HDAC10: variants seen among roughly 807,000 people sequenced by gnomAD.
The protein encoded by HDAC10 is polyamine deacetylase HDAC10.
In HDAC10, 90 loss-of-function variants were observed where a neutral mutation model predicts 82.3. The ratio of observed to expected loss-of-function variants is 1.09; its 90% CI spans 0.92 to 1.30. The LOEUF (loss-of-function observed/expected upper bound fraction) is 1.30, where lower values mean the gene tolerates loss of function less well. Among genes scored for constraint, HDAC10 ranks in the 50% most tolerant of loss-of-function variants. The pLI, the probability that HDAC10 is intolerant of heterozygous loss-of-function variation, is 0.00. For missense variants in HDAC10, 934 were observed against 876.3 expected, an observed-to-expected ratio of 1.07 and a Z score of -0.83; for synonymous variants, 456 against 391.7, an observed-to-expected ratio of 1.16 and a Z score of -1.94.
At chr22:50,247,021 TAA>T in intron 14 of HDAC10, 55 bp from the exon 15 acceptor site, 3 of 1,133,696 alleles carry the variant, frequency 2.6e-6, no homozygotes, top group Non-Finnish European at 3.8e-6. Context: ...CCAAGCCAGG[TAA>T]ACAGATCCAC....
At position 50,248,730 on chromosome 22, in the gene HDAC10, C is replaced by T; in HGVS notation, c.838G>A (p.Glu280Lys). 1 of 1,573,042 alleles carries T rather than the reference C, an allele frequency of 6.4e-7. No individual in the cohort carries two copies. The highest frequency in any genetic ancestry group is 1.2e-5 in the South Asian group (1 of 86,194). The part of the protein sequence containing the change: ...DPEGQMQATP[E>K]CFAHLTQLLQ... ...AGCTGTGTGAGGTGGGCGAAGCACTCTGGCGTGGCCTGCATTTGCCCCTGG... is the reference window on the plus strand; with the variant it reads ...AGCTGTGTGAGGTGGGCGAAGCACTTTGGCGTGGCCTGCATTTGCCCCTGG... Residue 280 changes from glutamate (E) to lysine (K), a missense_variant, in exon 10 of 20, where the codon GAG becomes AAG. Physicochemically the swap from Glu to Lys is moderately conservative, Grantham distance 56 (BLOSUM62 1). Coordinates refer to ENST00000216271, the MANE Select transcript of HDAC10 (RefSeq NM_032019.6). This position sits in a 1 kb window ranked among gnomAD's most constrained non-coding sequence, Gnocchi z 5.4.
In HDAC10 at chr22:50,245,955, C is replaced by T. The variant is rs776239767; in HGVS notation, c.1788G>A (p.Met596Ile). 6.2e-7 allele frequency: 1 copy of T among 1,604,046 alleles called. No individual in the cohort carries two copies. Among genetic ancestry groups the T allele is most frequent in the East Asian group, 2.3e-5 (1 of 44,352 alleles). ...QGPHAALLAA[M>I]LRGLAGGRVL... ...CTCGGCCCCCTGCCAGCCCCCGAAG[C>T]ATTGCAGCCAGGAGTGCAGCGTGGG... Residue 596 changes from methionine (M) to isoleucine (I), a missense_variant, in exon 18 of 20, where the codon ATG (methionine) becomes ATA (isoleucine). Physicochemically the swap from Met to Ile is conservative, Grantham distance 10. Transcript: ENST00000216271.
Position 50,250,427 on chromosome 22 carries a change from C to T in HDAC10, c.291G>A (p.Pro97=), listed in dbSNP as rs763302996. The T allele has an allele frequency of 5.0e-6, 8 of 1,612,670 alleles. No homozygotes were observed. Among genetic ancestry groups the T allele is most frequent in the Non-Finnish European group, 6.8e-6 (8 of 1,179,714 alleles). The change falls in exon 3 of 20, where the codon CCG becomes CCA. Residue 97 remains proline, a splice_region_variant and synonymous_variant. Transcript: ENST00000216271. Reference sequence around the variant, plus strand: ...GGTGAGTGTGTCCGGGGACACGCACCGGGTGGAAGTAGATGGCGTCGAACT... The same window carrying T: ...GGTGAGTGTGTCCGGGGACACGCACTGGGTGGAAGTAGATGGCGTCGAACT... ...SGQFDAIYFH[P]STFHCARLAA...
Position 50,245,514 on chromosome 22 carries a change from A to G in HDAC10, c.2003T>C (p.Val668Ala). The change falls in exon 20 of 20, where the codon GTG (valine) becomes GCG (alanine). Residue 668 changes from valine to alanine, a missense_variant. Physicochemically the swap from Val to Ala is moderately conservative, Grantham distance 64. Transcript: ENST00000216271. Reference sequence around the variant, plus strand: ...CTCCCACCTTGGCCGATTTCAAGCCACCAGGTGAGGATGGCACTACAGGAG... The same window carrying G: ...CTCCCACCTTGGCCGATTTCAAGCCGCCAGGTGAGGATGGCACTACAGGAG... Reference protein sequence around the residue: ...WKMLQCHPHLVA With the variant: ...WKMLQCHPHLAA The G allele has an allele frequency of 1.1e-6, 1 of 894,642 alleles. No individual in the cohort carries two copies. 55.4% of individuals were successfully genotyped at this position (894,642 alleles called of 1,614,324 possible). A position where few individuals can be genotyped will look rare whatever the true frequency, so the allele number is the denominator to read the frequency against.
rs1051126938 is a variant in HDAC10 at position 50,246,045 on chromosome 22, C to G, written c.1698G>C (p.Leu566=). ...LSCILGLVLP[L]AYGFQPDLVL... ...CCAGGTCAGGCTGGAAGCCATAGGC[C>G]AGGGGCAGCACCAAGCCCAAGATGC... is the stretch of plus-strand genomic sequence containing the variant. Residue 566 remains leucine (L), a synonymous_variant, in exon 18 of 20, where the codon CTG becomes CTC. Coordinates refer to ENST00000216271, the MANE Select transcript of HDAC10 (RefSeq NM_032019.6). The G allele has an allele frequency of 1.2e-6, 2 of 1,612,476 alleles. No individual in the cohort carries two copies. The highest frequency in any genetic ancestry group is 2.7e-5 in the African/African-American group (2 of 74,938).
Position 50,248,587 on chromosome 22 carries a change from G to A in HDAC10, c.906+75C>T. 1.4e-6 allele frequency: 2 copies of A among 1,468,504 alleles called. No individual in the cohort carries two copies. The highest frequency in any genetic ancestry group is 9.1e-7 in the Non-Finnish European group (1 of 1,101,090). 91.0% of individuals were successfully genotyped at this position (1,468,504 alleles called of 1,614,324 possible). A position where few individuals can be genotyped will look rare whatever the true frequency, so the allele number is the denominator to read the frequency against. On this transcript the variant is annotated intron_variant, in intron 10 of 19. Transcript: ENST00000216271. The surrounding 1 kb of genome is among the most constrained non-coding windows in gnomAD (Gnocchi z 5.4). ...AGGACGCCCCTCCCAAATACCCCGTGGGCACCTGGCTCCCATGCTCCTGAC... is the reference window on the plus strand; with the variant it reads ...AGGACGCCCCTCCCAAATACCCCGTAGGCACCTGGCTCCCATGCTCCTGAC...
At chr22:50,246,842 G>T in intron 15 of HDAC10, 33 bp downstream of exon 15, 1 of 1,596,274 alleles carries the variant, frequency 6.3e-7, no homozygotes. Context: ...AGGTCCTGCC[G>T]TCAGAGGCTC....
In HDAC10 at chr22:50,248,725, G is replaced by A. The variant is rs563625865; in HGVS notation, c.843C>T (p.Cys281=). 124 of 1,570,400 alleles carry A rather than the reference G, an allele frequency of 7.9e-5. 1 individual carries two copies. Among genetic ancestry groups the A allele is most frequent in the South Asian group, 5.5e-4 (47 of 86,018 alleles). The change falls in exon 10 of 20, where the codon TGC becomes TGT. Residue 281 remains cysteine, a synonymous_variant. Transcript: ENST00000216271. The surrounding 1 kb of genome is among the most constrained non-coding windows in gnomAD (Gnocchi z 5.4). ...GCAGCAGCTGTGTGAGGTGGGCGAA[G>A]CACTCTGGCGTGGCCTGCATTTGCC... ...PEGQMQATPE[C]FAHLTQLLQV... is the part of the protein sequence containing the mutation.
At chr22:50,246,591 C>T in intron 16 of HDAC10, 88 bp downstream of exon 16, 13 of 1,330,206 alleles carry the variant, frequency 9.8e-6, no homozygotes, top group Non-Finnish European at 1.4e-5. Context: ...AGTGCCCCAC[C>T]CACCCGTCAC....
In HDAC10 at chr22:50,246,964, C is replaced by T. The variant is rs781540186; in HGVS notation, c.1425G>A (p.Val475=). The part of the protein sequence containing the change: ...YLLDGMLDGQ[V]NSGIAATPAS... ...CTGGAGTGGCTGCTATACCACTGTT[C>T]ACCTGTGGGATGAATAAACAGTGGA... is the stretch of plus-strand genomic sequence containing the variant. The change falls in exon 15 of 20, where the codon GTG becomes GTA. Residue 475 remains valine (V), a splice_region_variant and synonymous_variant. Transcript: ENST00000216271. 2.5e-6 allele frequency: 4 copies of T among 1,599,210 alleles called. No individual in the cohort carries two copies. The highest frequency in any genetic ancestry group is 3.4e-5 in the Admixed American group (2 of 59,044).
In HDAC10 at chr22:50,246,750, G is replaced by A. The variant is rs1338463382; in HGVS notation, c.1515-15C>T. ...CGCACAGCAGCCTGGAAGAAGAGCTGGCCTCAGGACAGGTGTTCATGTTGT... is the reference window on the plus strand; with the variant it reads ...CGCACAGCAGCCTGGAAGAAGAGCTAGCCTCAGGACAGGTGTTCATGTTGT... On this transcript the variant is annotated splice_polypyrimidine_tract_variant and intron_variant, in intron 15 of 19. Coordinates refer to ENST00000216271, the MANE Select transcript of HDAC10 (RefSeq NM_032019.6). 6.2e-7 allele frequency: 1 copy of A among 1,612,798 alleles called. No individual in the cohort carries two copies. The highest frequency in any genetic ancestry group is 8.5e-7 in the Non-Finnish European group (1 of 1,179,938).
In HDAC10 at chr22:50,250,458, G is replaced by C; in HGVS notation, c.260C>G (p.Ser87Cys). Reference sequence around the variant, plus strand: ...GAAGTAGATGGCGTCGAACTGTCCGGACAGCGCCTGCAGCTCCTCCTTGCC... The same window carrying C: ...GAAGTAGATGGCGTCGAACTGTCCGCACAGCGCCTGCAGCTCCTCCTTGCC... ...VLGKEELQAL[S>C]GQFDAIYFHP... is the part of the protein sequence containing the mutation. The change falls in exon 3 of 20, where the codon TCC becomes TGC. Residue 87 changes from serine (S) to cysteine (C), a missense_variant. By Grantham distance (112) the Ser-to-Cys change is moderately radical. Coordinates refer to ENST00000216271, the MANE Select transcript of HDAC10 (RefSeq NM_032019.6). 6.2e-7 allele frequency: 1 copy of C among 1,613,014 alleles called. No homozygotes were observed. The highest frequency in any genetic ancestry group is 8.5e-7 in the Non-Finnish European group (1 of 1,179,990).
chr22:50,245,609 T>A, intron 19 of HDAC10, 66 bp downstream of exon 19: 1 of 1,602,468 alleles, frequency 6.2e-7, no homozygotes, highest in Admixed American at 1.7e-5. Context: ...TGCCCTGCCC[T>A]CCCCACCGAT....
Position 50,248,810 on chromosome 22 carries a change from C to G in HDAC10, c.816+21G>C, listed in dbSNP as rs757783570. On this transcript the variant is annotated intron_variant, in intron 9 of 19. Coordinates refer to ENST00000216271, the MANE Select transcript of HDAC10 (RefSeq NM_032019.6). The surrounding 1 kb of genome is among the most constrained non-coding windows in gnomAD (Gnocchi z 5.4). ...GGCCCCAGGACCCCAGAAGCCCTCC[C>G]TGGCAAGGCAAGGCCCTCACCTCAG... is the stretch of plus-strand genomic sequence containing the variant. The G allele has an allele frequency of 1.2e-6, 2 of 1,608,386 alleles. No individual in the cohort carries two copies. Among genetic ancestry groups the G allele is most frequent in the Non-Finnish European group, 1.7e-6 (2 of 1,177,896 alleles).
intron 14 of HDAC10, 150 bp from the exon 15 acceptor site, chr22:50,247,116 A>T: frequency 1.9e-6 from 1 of 515,180 alleles, no homozygotes; most frequent in South Asian, 3.1e-5. Flanking sequence ...CATTTCTGTA[A>T]ATAAGATGCT....
At chr22:50,247,833 A>T (rs770405544) in intron 13 of HDAC10, 57 bp from the exon 14 acceptor site, 1 of 1,612,688 alleles carries the variant, frequency 6.2e-7, no homozygotes, top group Non-Finnish European at 8.5e-7. Context: ...GGTCAGGCAC[A>T]CACAGGCACA....
rs2065008184 is a variant in HDAC10, at chr22:50,248,463, G to A, written c.916C>T (p.His306Tyr). Residue 306 changes from histidine (H) to tyrosine (Y), a missense_variant, in exon 11 of 20, where the codon CAC becomes TAC. By Grantham distance (83) the His-to-Tyr change is moderately conservative. Coordinates refer to ENST00000216271, the MANE Select transcript of HDAC10 (RefSeq NM_032019.6). This position sits in a 1 kb window ranked among gnomAD's most constrained non-coding sequence, Gnocchi z 5.4. ...ACTGACTCCGCCAGTGACTCCAGGT[G>A]GTAGCCGCCCTGGGAGGAGGGTGGA... ...RVCAVLEGGY[H>Y]LESLAESVCM... 6.2e-7 allele frequency: 1 copy of A among 1,606,748 alleles called. No individual in the cohort carries two copies. Among genetic ancestry groups the A allele is most frequent in the African/African-American group, 1.3e-5 (1 of 74,900 alleles).
Position 50,245,825 on chromosome 22 carries a change from G to T in HDAC10, c.1836C>A (p.Asn612Lys). The T allele has an allele frequency of 6.4e-7, 1 of 1,570,216 alleles. No homozygotes were observed. The highest frequency in any genetic ancestry group is 8.6e-7 in the Non-Finnish European group (1 of 1,157,652). Residue 612 changes from asparagine (N) to lysine (K), a missense_variant and splice_region_variant, in exon 19 of 20, where the codon AAC becomes AAA. Coordinates refer to ENST00000216271, the MANE Select transcript of HDAC10 (RefSeq NM_032019.6). ...GGATCCCTGCTAGCTGGGGTGTGGA[G>T]TTCTGGACCAGGGGCGAAGACGGAA... The part of the protein sequence containing the change: ...GGRVLALLEE[N>K]STPQLAGILA...
intron 18 of HDAC10, 24 bp from the exon 19 acceptor site, chr22:50,245,851 G>C (rs748263087): frequency 7.7e-6 from 12 of 1,557,536 alleles, no homozygotes; most frequent in Middle Eastern, 1.7e-4. Context: ...GAAGACGGAA[G>C]CAGTCACTGG....
Sources: allele counts gnomAD v4.1 joint callset, GRCh38; gene constraint gnomAD v4.1.1; non-coding constraint Gnocchi (gnomAD v3.1); transcripts MANE v1.5; gene names NCBI Gene and HGNC (gene_info 2026-07-23, HGNC 2026-07-21).